The following SLC4A10 variants were observed in gnomAD, a reference collection of about 807,000 sequenced individuals.
SLC4A10 encodes the protein sodium-driven chloride bicarbonate exchanger.
A neutral mutation model predicts 137.7 loss-of-function variants in SLC4A10; 42 were observed. That is an observed-to-expected ratio of 0.30 (90% CI 0.24 to 0.39). The LOEUF is 0.39. Ranked by LOEUF, SLC4A10 falls within the 10% of genes least tolerant of loss-of-function variation. The pLI is 1.00. For missense variants in SLC4A10, 925 were observed against 1,355.0 expected (o/e 0.68, Z 4.98); for synonymous variants, 474 against 464.1 (o/e 1.02, Z -0.27).
intron 15 of SLC4A10, among the ~76,000 whole-genome samples, chr2:161,914,540 G>T (rs1686636392): frequency 6.6e-6 from 1 of 151,990 alleles, no homozygotes; most frequent in African/African-American, 2.4e-5. Context: ...AAATGTAACT[G>T]GTATCTTCAT....
intron 1 of SLC4A10, among the ~76,000 whole-genome samples, chr2:161,692,337 T>C (rs2042085054): frequency 6.6e-6 from 1 of 152,078 alleles, no homozygotes; most frequent in African/African-American, 2.4e-5. Flanking sequence ...AATACATTTT[T>C]CTATGGGCTG....
intron 10 of SLC4A10, among the ~76,000 whole-genome samples, chr2:161,893,680 A>T (rs1000126825): frequency 6.6e-6 from 1 of 152,058 alleles, no homozygotes; most frequent in Non-Finnish European, 1.5e-5. Flanking sequence ...AGCCTGCATG[A>T]CAGAGTGAGA....
chr2:161,649,799 ATTT>A (rs5835875), intron 1 of SLC4A10, among the ~76,000 whole-genome samples: 62 of 150,580 alleles, frequency 4.1e-4, no homozygotes, highest in Admixed American at 3.6e-3. Flanking sequence ...CTAAATAGAC[ATTT>A]TTTTTTTTGT....
intron 3 of SLC4A10, among the ~76,000 whole-genome samples, chr2:161,807,568 A>G (rs1027141233): frequency 2.6e-5 from 4 of 152,128 alleles, no homozygotes; most frequent in East Asian, 1.9e-4. Context: ...TCTTCTATCC[A>G]TAAGTTTGTC....
At chr2:161,684,068 C>G (rs2041146537) in intron 1 of SLC4A10, among the ~76,000 whole-genome samples, 1 of 152,128 alleles carries the variant, frequency 6.6e-6, no homozygotes, top group Non-Finnish European at 1.5e-5. Context: ...GCCCTGACAA[C>G]CATCGTTCTT....
chr2:161,833,006 C>T (rs56027511), intron 3 of SLC4A10, among the ~76,000 whole-genome samples: 10,278 of 152,254 alleles, frequency 0.068, 451 homozygotes, highest in East Asian at 0.17. Context: ...TCCCAAAGTG[C>T]AGTGTTGGGA....
intron 4 of SLC4A10, among the ~76,000 whole-genome samples, chr2:161,846,348 AC>A (rs2059491429): frequency 6.6e-6 from 1 of 152,188 alleles, no homozygotes; most frequent in Non-Finnish European, 1.5e-5. Context: ...ATTTGAAAAA[AC>A]TAGATCTTTC....
intron 19 of SLC4A10, among the ~76,000 whole-genome samples, chr2:161,951,574 C>T (rs1694811506): frequency 6.6e-6 from 1 of 152,040 alleles, no homozygotes; most frequent in South Asian, 2.1e-4. Context: ...CTGCATCAAA[C>T]CTTGTAAAAA....
intron 3 of SLC4A10, among the ~76,000 whole-genome samples, chr2:161,809,879 T>C (rs1032641387): frequency 2.6e-5 from 4 of 152,172 alleles, no homozygotes; most frequent in African/African-American, 9.6e-5. Flanking sequence ...TGATTCCATA[T>C]TAATTTTAGA....
chr2:161,678,518 G>A (rs1359150707), intron 1 of SLC4A10, among the ~76,000 whole-genome samples: 5 of 152,072 alleles, frequency 3.3e-5, no homozygotes, highest in Non-Finnish European at 5.9e-5. Context: ...AATCTTATGC[G>A]TGCATGTGAA....
At chr2:161,881,650 T>C (rs1000829487) in intron 9 of SLC4A10, among the ~76,000 whole-genome samples, 3 of 152,042 alleles carry the variant, frequency 2.0e-5, no homozygotes, top group African/African-American at 4.8e-5. Flanking sequence ...CCCAGAAGGA[T>C]TGACCTTCTC....
chr2:161,693,540 G>T (rs1012791502), intron 1 of SLC4A10, among the ~76,000 whole-genome samples: 26 of 151,558 alleles, frequency 1.7e-4, no homozygotes, highest in Non-Finnish European at 3.1e-4. Context: ...ATTTTTTTCA[G>T]TTCTATTGAG....
chr2:161,808,937 G>A (rs1176738286), intron 3 of SLC4A10, among the ~76,000 whole-genome samples: 1 of 152,092 alleles, frequency 6.6e-6, no homozygotes, highest in African/African-American at 2.4e-5. Flanking sequence ...CCCAGTAATG[G>A]GATTGCTGGG....
rs1443852265 is a variant in SLC4A10, at chr2:161,894,716, A to G, written c.1232A>G (p.Asn411Ser). The part of the protein sequence containing the change: ...HDVAYKAKDR[N>S]DLVSGIDEFL... The stretch of plus-strand genomic sequence containing the variant: ...GTTGCCTATAAAGCTAAAGATCGTA[A>G]TGACTTGGTATCAGGAATTGATGAG... Residue 411 changes from asparagine to serine, a missense_variant, in exon 11 of 27, where the codon AAT becomes AGT. Around this residue, in one of 11 missense-constraint regions of SLC4A10, gnomAD observed 277 missense variants for 306.1 expected, o/e 0.90. Transcript: ENST00000446997. 5.6e-6 allele frequency: 8 copies of G among 1,441,218 alleles called. No homozygotes were observed. In the African/African-American group the frequency reaches 1.1e-4, roughly 21 times the overall value. The allele number at this position is 1,441,218 out of a possible 1,614,324, so 89.3% of individuals were successfully genotyped here.
intron 15 of SLC4A10, among the ~76,000 whole-genome samples, chr2:161,910,576 A>G (rs1367087275): frequency 6.6e-6 from 1 of 152,126 alleles, no homozygotes; most frequent in Non-Finnish European, 1.5e-5. Flanking sequence ...TGTATTTATT[A>G]ATGTTTTGTA....
At chr2:161,960,662 T>C (rs1365933709) in intron 21 of SLC4A10, among the ~76,000 whole-genome samples, 1 of 149,818 alleles carries the variant, frequency 6.7e-6, no homozygotes, top group African/African-American at 2.5e-5. Context: ...GAAGATCGCA[T>C]TGAGCCGAGA....
At chr2:161,958,900 A>G (rs755395105) in intron 21 of SLC4A10, among the ~76,000 whole-genome samples, 3 of 152,200 alleles carry the variant, frequency 2.0e-5, no homozygotes, top group Non-Finnish European at 4.4e-5. Flanking sequence ...ATTGGTAAGA[A>G]TAGGAAAAGT....
chr2:161,726,217 A>G (rs2046205598), intron 1 of SLC4A10, among the ~76,000 whole-genome samples: 1 of 152,228 alleles, frequency 6.6e-6, no homozygotes, highest in Admixed American at 6.5e-5. Context: ...AATGAATAAT[A>G]ATAGTAAGAG....
At chr2:161,962,320 T>A (rs1696864529) in intron 21 of SLC4A10, among the ~76,000 whole-genome samples, 1 of 152,218 alleles carries the variant, frequency 6.6e-6, no homozygotes, top group Non-Finnish European at 1.5e-5. Context: ...ATGTGCCATT[T>A]AAACAATAAC....
Sources: allele counts gnomAD v4.1 joint callset (sites outside exome capture counted in the v4.1 genomes callset), GRCh38; gene constraint gnomAD v4.1.1; regional missense constraint gnomAD v4.1.1; transcripts MANE v1.5; gene names NCBI Gene and HGNC (gene_info 2026-07-23, HGNC 2026-07-21).